GRIN2A: variants seen among roughly 807,000 people sequenced by gnomAD.
GRIN2A encodes the protein glutamate receptor ionotropic, NMDA 2A.
GRIN2A carries 22 observed loss-of-function variants against 113.4 expected under a neutral mutation model. The observed-to-expected ratio is 0.19, with a 90% CI of 0.14 to 0.28. The LOEUF is 0.28. Ranked by LOEUF, GRIN2A falls within the 10% of genes least tolerant of loss-of-function variation. The pLI is 1.00. For missense variants in GRIN2A, 1,502 were observed against 1,887.0 expected (o/e 0.80, Z 3.78); for synonymous variants, 827 against 738.4 (o/e 1.12, Z -1.94).
intron 11 of GRIN2A, 190 bp from the exon 12 acceptor site, chr16:9,769,279 A>G (rs1901110049): frequency 1.9e-6 from 1 of 516,586 alleles, no homozygotes; most frequent in Non-Finnish European, 3.4e-6. Flanking sequence ...CCTACCTAAT[A>G]TTGTTGCAGT....
chr16:9,809,512 T>A (rs569110131), intron 10 of GRIN2A, among the ~76,000 whole-genome samples: 6 of 152,006 alleles, frequency 3.9e-5, no homozygotes, highest in Non-Finnish European at 5.9e-5. Context: ...CAGATTGGCA[T>A]TGAGATGCCA....
rs1064796981 is a variant in GRIN2A at position 9,764,278 on chromosome 16, G to A, written c.3266C>T (p.Ser1089Leu). 6 of 1,614,052 alleles carry A rather than the reference G, an allele frequency of 3.7e-6. No individual in the cohort carries two copies. The South Asian group carries it at 4.4e-5, about 12-fold the overall frequency. ...NHKTKDNFKR[S>L]VASKYPKDCS... ...GTCCTTGGGGTATTTGGAGGCCACT[G>A]ACCTTTTAAAGTTGTCCTTGGTTTT... Residue 1089 changes from serine (S) to leucine (L), a missense_variant, in exon 13 of 13, where the codon TCA becomes TTA. By Grantham distance (145) the Ser-to-Leu change is moderately radical. Around this residue, in one of 7 missense-constraint regions of GRIN2A, gnomAD observed 832 missense variants for 789.7 expected, o/e 1.05. Coordinates refer to ENST00000330684, the MANE Select transcript of GRIN2A (RefSeq NM_001134407.3).
intron 2 of GRIN2A, among the ~76,000 whole-genome samples, chr16:10,144,535 A>C (rs2049392048): frequency 6.6e-6 from 1 of 152,200 alleles, no homozygotes; most frequent in African/African-American, 2.4e-5. Flanking sequence ...ACTGAGTCAT[A>C]GGAATTTCTT....
At chr16:9,880,593 G>C (rs2043459378) in intron 4 of GRIN2A, among the ~76,000 whole-genome samples, 1 of 152,072 alleles carries the variant, frequency 6.6e-6, no homozygotes, top group Non-Finnish European at 1.5e-5. Context: ...TACTCCCAGG[G>C]GAGAGGCTTA....
At chr16:9,921,445 T>A (rs966455267) in intron 3 of GRIN2A, among the ~76,000 whole-genome samples, 11 of 152,062 alleles carry the variant, frequency 7.2e-5, no homozygotes, top group African/African-American at 2.7e-4. Context: ...GCCAGAGAGG[T>A]CATCTTGATA....
intron 5 of GRIN2A, among the ~76,000 whole-genome samples, chr16:9,842,951 A>AAG (rs57545330): frequency 0.011 from 1,628 of 145,206 alleles, 20 homozygotes; most frequent in African/African-American, 0.028. Context: ...GAAAGAAAGA[A>AAG]AGAGAGAGAG....
chr16:10,146,045 G>T (rs2049432210), intron 2 of GRIN2A, among the ~76,000 whole-genome samples: 1 of 152,200 alleles, frequency 6.6e-6, no homozygotes, highest in Admixed American at 6.5e-5. Flanking sequence ...CACCCTTGGT[G>T]CCAGGTAGAA....
chr16:9,965,150 A>G (rs1875206), intron 2 of GRIN2A, among the ~76,000 whole-genome samples: 48,144 of 152,044 alleles, frequency 0.32, 8,120 homozygotes, highest in African/African-American at 0.37. Flanking sequence ...ATAAAGTAAG[A>G]CTTCTTCACT....
intron 4 of GRIN2A, among the ~76,000 whole-genome samples, chr16:9,850,873 C>T (rs988191543): frequency 6.6e-6 from 1 of 152,082 alleles, no homozygotes; most frequent in African/African-American, 2.4e-5. Context: ...AGCTTATTGG[C>T]GCTATTCACA....
chr16:9,814,912 C>T (rs1273975876), intron 10 of GRIN2A, among the ~76,000 whole-genome samples: 1 of 150,844 alleles, frequency 6.6e-6, no homozygotes, highest in Non-Finnish European at 1.5e-5. Context: ...CCCAGCTACT[C>T]GGGAAGGCTG....
chr16:10,172,714 A>C (rs1189439170), intron 2 of GRIN2A, among the ~76,000 whole-genome samples: 1 of 152,214 alleles, frequency 6.6e-6, no homozygotes, highest in Non-Finnish European at 1.5e-5. Flanking sequence ...TCAAAGCAGC[A>C]TGAAGTTTGG....
intron 2 of GRIN2A, among the ~76,000 whole-genome samples, chr16:10,086,595 G>A (rs1165776134): frequency 7.1e-6 from 1 of 141,740 alleles, no homozygotes; most frequent in Non-Finnish European, 1.5e-5. Context: ...ACCAGGGGGT[G>A]GAGCAGCTCC....
At chr16:9,956,133 T>C (rs796925773) in intron 2 of GRIN2A, among the ~76,000 whole-genome samples, 2 of 152,228 alleles carry the variant, frequency 1.3e-5, no homozygotes, top group South Asian at 4.1e-4. Flanking sequence ...ACAGGTAATT[T>C]AAATGCAACA....
chr16:10,165,744 AGGGGAGAAAGGAGGG>A (rs1445763207), intron 2 of GRIN2A, among the ~76,000 whole-genome samples: 2 of 40,960 alleles, frequency 4.9e-5, no homozygotes, highest in Admixed American at 7.9e-4. Context: ...AAAGGAGGGG[AGGGGAGAAAGGAGGG>A]GAGGGGAGAG....
intron 2 of GRIN2A, among the ~76,000 whole-genome samples, chr16:10,087,672 G>A (rs1457001302): frequency 6.6e-6 from 1 of 151,944 alleles, no homozygotes; most frequent in African/African-American, 2.4e-5. Flanking sequence ...TGCATATCTG[G>A]CATTTTCTTT....
chr16:10,046,648 A>C (rs1172766155), intron 2 of GRIN2A, among the ~76,000 whole-genome samples: 1 of 151,572 alleles, frequency 6.6e-6, no homozygotes, highest in Non-Finnish European at 1.5e-5. Context: ...CAGCAGCTAC[A>C]CACACACACA....
chr16:9,898,785 A>G (rs1393459392), intron 3 of GRIN2A, among the ~76,000 whole-genome samples: 3 of 141,138 alleles, frequency 2.1e-5, no homozygotes, highest in African/African-American at 8.5e-5. Context: ...TCATTTTCAC[A>G]GAGTGTTTTT....
intron 10 of GRIN2A, among the ~76,000 whole-genome samples, chr16:9,816,394 C>T (rs1189888218): frequency 1.3e-5 from 2 of 152,150 alleles, no homozygotes; most frequent in African/African-American, 2.4e-5. Context: ...AGAATGAAAT[C>T]GCACAGGGGA....
At chr16:9,807,544 C>G (rs1244613585) in intron 10 of GRIN2A, among the ~76,000 whole-genome samples, 1 of 152,054 alleles carries the variant, frequency 6.6e-6, no homozygotes, top group Non-Finnish European at 1.5e-5. Context: ...AATGATTGTC[C>G]AAGTCCATCT....
Sources: gnomAD v4.1 joint callset for allele counts (sites outside exome capture counted in the v4.1 genomes callset) on GRCh38, gnomAD v4.1.1 for gene constraint, gnomAD v4.1.1 regional missense constraint, MANE v1.5 for transcripts, NCBI Gene and HGNC (gene_info 2026-07-23, HGNC 2026-07-21) for gene names.